CARMIL3: variants seen among roughly 807,000 people sequenced by gnomAD.
CARMIL3 encodes capping protein regulator and myosin 1 linker 3, also known as capping protein, Arp2/3 and myosin-I linker protein 3.
CARMIL3 carries 88 observed loss-of-function variants against 180.8 expected under a neutral mutation model. That is an observed-to-expected ratio of 0.49 (90% confidence interval 0.41 to 0.58). The LOEUF is 0.58. Among genes scored for constraint, CARMIL3 ranks in the 20% least tolerant of loss-of-function variants. CARMIL3 has a pLI of 0.00. For synonymous variants in CARMIL3, 696 were observed against 714.5 expected (o/e 0.97, Z 0.41); for missense variants, 1,548 against 1,787.0 (o/e 0.87, Z 2.41).
At chr14:24,056,545 G>A in intron 11 of CARMIL3, 77 bp from the exon 12 acceptor site, 1 of 1,522,536 alleles carries the variant, frequency 6.6e-7, no homozygotes. Context: ...CCCTACTCGA[G>A]CCCCCAACCT....
chr14:24,054,229 C>A lies in CARMIL3; in HGVS notation c.187-13C>A, dbSNP rs1246428717. On this transcript the variant is annotated splice_polypyrimidine_tract_variant and intron_variant, in intron 3 of 39. Coordinates refer to ENST00000342740, the MANE Select transcript of CARMIL3 (RefSeq NM_138360.4). This position sits in a 1 kb window ranked among gnomAD's most constrained non-coding sequence, Gnocchi z 5.1. Reference sequence around the variant, plus strand: ...GGTCCTTACCAGGAGCTGAGCATCTCCATCCCTCCTAGGTGGAGAGCTCCT... The same window carrying A: ...GGTCCTTACCAGGAGCTGAGCATCTACATCCCTCCTAGGTGGAGAGCTCCT... 1 of 1,614,094 alleles carries A rather than the reference C, an allele frequency of 6.2e-7. No individual in the cohort carries two copies. Among genetic ancestry groups the A allele is most frequent in the Non-Finnish European group, 8.5e-7 (1 of 1,180,042 alleles).
chr14:24,052,564 C>T (rs1357602271), intron 1 of CARMIL3, among the ~76,000 whole-genome samples: 1 of 152,226 alleles, frequency 6.6e-6, no homozygotes, highest in South Asian at 2.1e-4. Flanking sequence ...CCGCCCCTCC[C>T]TGCGATGGGA....
At chr14:24,057,720 G>C in intron 14 of CARMIL3, 83 bp from the exon 15 acceptor site, 1 of 1,209,020 alleles carries the variant, frequency 8.3e-7, no homozygotes, top group Non-Finnish European at 1.2e-6. Context: ...CAGGAACCTC[G>C]ATGGGGAGGG....
chr14:24,064,302 G>C lies in CARMIL3; in HGVS notation c.3036G>C (p.Gly1012=). Residue 1012 remains glycine (G), a synonymous_variant, in exon 32 of 40, where the codon GGG becomes GGC. Transcript: ENST00000342740. ...GGATGGCCACCCGCCTGGATGAAGG[G>C]CTGGAGGACTTCTTCAGCCGAAGGG... ...ENGMATRLDE[G]LEDFFSRRVL... is the part of the protein sequence containing the mutation. 1 of 1,613,076 alleles carries C rather than the reference G, an allele frequency of 6.2e-7. No homozygotes were observed. The highest frequency in any genetic ancestry group is 8.5e-7 in the Non-Finnish European group (1 of 1,179,544).
At position 24,066,728 on chromosome 14, in the gene CARMIL3, C is replaced by T; in HGVS notation, c.3682+72C>T. ...TGTCCAAAGAAACAGAAGCCCATGGCCCCTGTGCTGGGGAATTTATGGCCA... is the reference window on the plus strand; with the variant it reads ...TGTCCAAAGAAACAGAAGCCCATGGTCCCTGTGCTGGGGAATTTATGGCCA... On this transcript the variant is annotated intron_variant, in intron 36 of 39. Transcript: ENST00000342740. 8 of 1,506,982 alleles carry T rather than the reference C, an allele frequency of 5.3e-6. No homozygotes were observed. In the Admixed American group the frequency reaches 1.5e-4, roughly 29 times the overall value. 93.4% of individuals were successfully genotyped at this position (1,506,982 alleles called of 1,614,324 possible).
Position 24,065,239 on chromosome 14 carries a change from G to C in CARMIL3, c.3362G>C (p.Gly1121Ala). ...GAGAGCAGCCTCCTCCCTGGATTTGGTGGGGGCCGGGGACCTTCCTTCCGC... is the reference window on the plus strand; with the variant it reads ...GAGAGCAGCCTCCTCCCTGGATTTGCTGGGGGCCGGGGACCTTCCTTCCGC... The part of the protein sequence containing the change: ...EEESSLLPGF[G>A]GGRGPSFRRK... Residue 1121 changes from glycine to alanine, a missense_variant, in exon 33 of 40, where the codon GGT becomes GCT. Physicochemically the swap from Gly to Ala is moderately conservative, Grantham distance 60. Coordinates refer to ENST00000342740, the MANE Select transcript of CARMIL3 (RefSeq NM_138360.4). 1 of 1,550,126 alleles carries C rather than the reference G, an allele frequency of 6.5e-7. No homozygotes were observed. The highest frequency in any genetic ancestry group is 1.3e-5 in the South Asian group (1 of 78,416).
intron 28 of CARMIL3, 32 bp downstream of exon 28, chr14:24,062,599 G>A (rs777291472): frequency 1.2e-6 from 2 of 1,613,526 alleles, no homozygotes; most frequent in South Asian, 1.1e-5. Context: ...GGCCTGGCTC[G>A]GGCACGCCCT....
intron 24 of CARMIL3, 44 bp downstream of exon 24, chr14:24,060,299 A>G (rs1337815396): frequency 3.8e-6 from 6 of 1,598,758 alleles, no homozygotes; most frequent in Non-Finnish European, 5.1e-6. Context: ...CGGGGCATGC[A>G]GGGCACAGTG....
rs2035698568 is a variant in CARMIL3 at position 24,058,605 on chromosome 14, A to C, written c.1393-75A>C. The C allele has an allele frequency of 5.9e-6, 7 of 1,178,394 alleles. No homozygotes were observed. Among genetic ancestry groups the C allele is most frequent in the Non-Finnish European group, 7.4e-6 (6 of 808,934 alleles). 73.0% of individuals were successfully genotyped at this position (1,178,394 alleles called of 1,614,324 possible). A position where few individuals can be genotyped will look rare whatever the true frequency, so the allele number is the denominator to read the frequency against. On this transcript the variant is annotated intron_variant, in intron 17 of 39. Coordinates refer to ENST00000342740, the MANE Select transcript of CARMIL3 (RefSeq NM_138360.4). This position sits in a 1 kb window ranked among gnomAD's most constrained non-coding sequence, Gnocchi z 6.4. ...CATGACTTTGAGTTCTGGTGTGACT[A>C]CTATATCCTAAGCATTAAAGGTGCC...
intron 27 of CARMIL3, chr14:24,062,034 C>G: frequency 3.2e-6 from 1 of 315,436 alleles, no homozygotes; most frequent in Non-Finnish European, 5.9e-6. Context: ...CCCTAGAGTT[C>G]TTTCATTCTG....
In CARMIL3 at chr14:24,065,075, G is replaced by C. The variant is rs754768565; in HGVS notation, c.3198G>C (p.Gly1066=). The change falls in exon 33 of 40, where the codon GGG becomes GGC. Residue 1066 remains glycine (G), a synonymous_variant. Transcript: ENST00000342740. The part of the protein sequence containing the change: ...FHFRRPRSFK[G]DRGPGSPTTG... ...TTCGCCGGCCCCGGAGCTTCAAGGG[G>C]GACAGGGGGCCGGGGTCCCCTACCA... The C allele has an allele frequency of 6.3e-7, 1 of 1,593,660 alleles. No homozygotes were observed. Among genetic ancestry groups the C allele is most frequent in the Admixed American group, 1.8e-5 (1 of 55,796 alleles).
Position 24,063,467 on chromosome 14 carries a change from A to G in CARMIL3, c.2913A>G (p.Leu971=). The change falls in exon 31 of 40, where the codon CTA becomes CTG. Residue 971 remains leucine, a synonymous_variant. Transcript: ENST00000342740. The part of the protein sequence containing the change: ...LSELPTHGYK[L]RHQTQGRPRP... ...AGCTGCCCACTCATGGTTACAAACT[A>G]AGGCATCAAACACAAGGGAGGCCCC... The G allele has an allele frequency of 6.2e-7, 1 of 1,613,836 alleles. No homozygotes were observed. The highest frequency in any genetic ancestry group is 8.5e-7 in the Non-Finnish European group (1 of 1,180,000).
rs776300887 is a variant in CARMIL3 at position 24,058,888 on chromosome 14, AG to A, written c.1476del. On this transcript the variant is annotated splice_acceptor_variant, in intron 18 of 39. Transcript: ENST00000342740. LOFTEE classifies it high-confidence loss of function. The surrounding 1 kb of genome is among the most constrained non-coding windows in gnomAD (Gnocchi z 6.4). ...GCCAGGCCTCTCCCATCTGCTCACC[AG>A]GGTTCGACTCGGACCTCCTGACACT... The A allele has an allele frequency of 6.2e-7, 1 of 1,614,202 alleles. No individual in the cohort carries two copies. Among genetic ancestry groups the A allele is most frequent in the Non-Finnish European group, 8.5e-7 (1 of 1,180,036 alleles).
At chr14:24,065,467 G>T (rs544990916) in intron 33 of CARMIL3, 155 bp from the exon 34 acceptor site, 2 of 1,178,210 alleles carry the variant, frequency 1.7e-6, no homozygotes, top group African/African-American at 3.1e-5. Flanking sequence ...TGCTATATGC[G>T]AATGCAGGCG....
At chr14:24,068,463 G>A in intron 36 of CARMIL3, 121 bp from the exon 37 acceptor site, 1 of 739,346 alleles carries the variant, frequency 1.4e-6, no homozygotes, top group Non-Finnish European at 2.2e-6. Context: ...AGAGACATAG[G>A]AGCAAGTGGG....
intron 1 of CARMIL3, among the ~76,000 whole-genome samples, chr14:24,053,062 GCACA>G (rs35652143): frequency 4.5e-4 from 68 of 150,144 alleles, no homozygotes; most frequent in Middle Eastern, 3.4e-3. Context: ...ACACGCGCGT[GCACA>G]CACACACACA....
chr14:24,066,762 C>T (rs1018230326), intron 36 of CARMIL3, 106 bp downstream of exon 36: 10 of 1,146,482 alleles, frequency 8.7e-6, no homozygotes, highest in Non-Finnish European at 1.1e-5. Flanking sequence ...CAAGGTGGGG[C>T]AGTGAGAAGT....
At chr14:24,056,273 C>T (rs769577988) in intron 10 of CARMIL3, 26 bp from the exon 11 acceptor site, 1 of 1,601,214 alleles carries the variant, frequency 6.2e-7, no homozygotes, top group Admixed American at 1.7e-5. Flanking sequence ...CAGCTCAGGA[C>T]AAATCCTTCC....
In CARMIL3 at chr14:24,069,519, G is replaced by A. The variant is rs1050168265; in HGVS notation, c.*115G>A. On this transcript the variant is annotated 3_prime_UTR_variant, in exon 40 of 40. Coordinates refer to ENST00000342740, the MANE Select transcript of CARMIL3 (RefSeq NM_138360.4). The stretch of plus-strand genomic sequence containing the variant: ...AGCCCCTGTCCTACAGGGGCAAGAC[G>A]GCAGGACCAGGCATGGGGGAGCTGG... The A allele has an allele frequency of 1.1e-5, 15 of 1,352,842 alleles. No homozygotes were observed. The highest frequency in any genetic ancestry group is 7.3e-5 in the African/African-American group (5 of 68,674). 83.8% of individuals were successfully genotyped at this position (1,352,842 alleles called of 1,614,324 possible).
Sources: allele counts gnomAD v4.1 joint callset (sites outside exome capture counted in the v4.1 genomes callset), GRCh38; gene constraint gnomAD v4.1.1; non-coding constraint Gnocchi (gnomAD v3.1); transcripts MANE v1.5; gene names NCBI Gene and HGNC (gene_info 2026-07-23, HGNC 2026-07-21).